Variants in PCSK5 observed in about 807,000 individuals in gnomAD.
PCSK5 encodes prohormone convertase 5.
PCSK5 carries 129 observed loss-of-function variants against 233.2 expected under a neutral mutation model. That is an observed-to-expected ratio of 0.55 (90% CI 0.48 to 0.64). The LOEUF (loss-of-function observed/expected upper bound fraction) is 0.64. PCSK5 is among the 30% of genes least tolerant of loss of function. The pLI is 0.00. For synonymous variants in PCSK5, 825 were observed against 879.2 expected (o/e 0.94, Z 1.09); for missense variants, 2,076 against 2,430.1 (o/e 0.85, Z 3.06).
chr9:76,263,648 G>A (rs1827250232), intron 24 of PCSK5, among the ~76,000 whole-genome samples: 1 of 151,834 alleles, frequency 6.6e-6, no homozygotes, highest in Non-Finnish European at 1.5e-5. Flanking sequence ...GGAGTGGGGA[G>A]GGATAGCATT....
chr9:76,327,717 G>A (rs1829406741), intron 32 of PCSK5, among the ~76,000 whole-genome samples: 1 of 152,146 alleles, frequency 6.6e-6, no homozygotes, highest in South Asian at 2.1e-4. Context: ...TGCAGTTTGG[G>A]TAATTATAGT....
intron 21 of PCSK5, among the ~76,000 whole-genome samples, chr9:76,231,616 GT>G (rs1826086506): frequency 6.6e-6 from 1 of 151,972 alleles, no homozygotes; most frequent in Admixed American, 6.6e-5. Flanking sequence ...GGGTTTTTTT[GT>G]TTGTTTGTTT....
chr9:76,354,106 C>T lies in PCSK5; in HGVS notation c.5141C>T (p.Thr1714Ile). Reference protein sequence around the residue: ...ECKGPGAKNCTLCPANLVLHM... With the variant: ...ECKGPGAKNCILCPANLVLHM... The stretch of plus-strand genomic sequence containing the variant: ...AAGGGACCAGGGGCCAAGAACTGCA[C>T]CTTGTGCCCTGCCAACCTGGTGCTG... Residue 1714 changes from threonine to isoleucine, a missense_variant, in exon 37 of 38, where the codon ACC becomes ATC. Physicochemically the swap from Thr to Ile is moderately conservative, Grantham distance 89 (BLOSUM62 -1). This residue lies in a region of PCSK5 where 1,510 missense variants were observed against 1,538.1 expected (regional missense o/e 0.98). Coordinates refer to ENST00000674117, the MANE Select transcript of PCSK5 (RefSeq NM_001372043.1). The T allele has an allele frequency of 6.2e-7, 1 of 1,606,476 alleles. No homozygotes were observed. Among genetic ancestry groups the T allele is most frequent in the East Asian group, 2.2e-5 (1 of 44,664 alleles).
chr9:76,211,154 A>T (rs7043349), intron 20 of PCSK5, among the ~76,000 whole-genome samples: 38,701 of 152,128 alleles, frequency 0.25, 5,038 homozygotes, highest in Non-Finnish European at 0.28. Flanking sequence ...CCACTACTTT[A>T]TGGAAGAGAT....
chr9:76,025,463 A>G (rs898712401), intron 4 of PCSK5, among the ~76,000 whole-genome samples: 1 of 152,070 alleles, frequency 6.6e-6, no homozygotes, highest in African/African-American at 2.4e-5. Context: ...AAATAAGCCA[A>G]ATTATACTCC....
chr9:75,940,468 T>C (rs1170059079), intron 2 of PCSK5, among the ~76,000 whole-genome samples: 1 of 152,160 alleles, frequency 6.6e-6, no homozygotes, highest in Admixed American at 6.5e-5. Context: ...GGAAAGGGCA[T>C]AGGAAAAGGA....
Position 76,117,137 on chromosome 9 carries a change from T to A in PCSK5, c.1208+9786T>A, listed in dbSNP as rs1471952430. Among the ~76,000 whole-genome samples, 3 of 152,076 alleles carry A rather than the reference T, an allele frequency of 2.0e-5. No individual in the cohort carries two copies. The East Asian group carries it at 5.8e-4, about 29-fold the overall frequency. ...TACATCTTACAAGTCATAGTTGCAA[T>A]GTTTAGCTAGTTTGGTATGTGCCTG... On this transcript the variant is annotated intron_variant, in intron 9 of 37. Coordinates refer to ENST00000674117, the MANE Select transcript of PCSK5 (RefSeq NM_001372043.1).
In PCSK5 at chr9:76,207,249, A is replaced by C. The variant is rs138546256; in HGVS notation, c.2626+17503A>C. Among the ~76,000 whole-genome samples the C allele has an allele frequency of 3.7e-3, 560 of 152,354 alleles. 1 individual carries two copies. The highest frequency in any genetic ancestry group is 6.8e-3 in the Non-Finnish European group (461 of 68,030). On this transcript the variant is annotated intron_variant, in intron 20 of 37. Transcript: ENST00000674117. ...TTTTGCTGTACAAGGTAATACTCAC[A>C]GGTCCCAGACATGAGGACTTGGATA...
At chr9:75,908,925 C>CTATCTA (rs1554704504) in intron 1 of PCSK5, among the ~76,000 whole-genome samples, 2,289 of 103,514 alleles carry the variant, frequency 0.022, 36 homozygotes, top group African/African-American at 0.031. Context: ...CTATCTATCT[C>CTATCTA]TCTATCTCTC....
rs185187129 is a variant in PCSK5 at position 75,971,481 on chromosome 9, T to C, written c.298-14651T>C. 8.8e-4 allele frequency among the ~76,000 whole-genome samples: 134 copies of C among 152,346 alleles called. 1 individual carries two copies. In the East Asian group the frequency reaches 0.021, roughly 24 times the overall value. On this transcript the variant is annotated intron_variant, in intron 2 of 37. Transcript: ENST00000674117. ...GGATTTCTGGGTCAGATGGTATTTCTGATTGTAGGTCTTTGAGGAATTGCT... is the reference window on the plus strand; with the variant it reads ...GGATTTCTGGGTCAGATGGTATTTCCGATTGTAGGTCTTTGAGGAATTGCT...
chr9:76,293,775 A>T (rs1416952459), intron 25 of PCSK5, among the ~76,000 whole-genome samples: 2 of 152,270 alleles, frequency 1.3e-5, no homozygotes, highest in African/African-American at 2.4e-5. Context: ...TCTGAAAAAC[A>T]AATACCCTGG....
At chr9:75,968,806 T>A (rs1050100058) in intron 2 of PCSK5, among the ~76,000 whole-genome samples, 1 of 152,250 alleles carries the variant, frequency 6.6e-6, no homozygotes, top group Non-Finnish European at 1.5e-5. Flanking sequence ...AAATTCTCCA[T>A]AGTCAACGGT....
intron 36 of PCSK5, 72 bp from the exon 37 acceptor site, chr9:76,353,961 T>C: frequency 9.3e-7 from 1 of 1,075,024 alleles, no homozygotes. Context: ...CAAGATGAGA[T>C]ACAATCTGGG....
chr9:75,995,506 GGAA>G (rs1826974166), intron 3 of PCSK5, among the ~76,000 whole-genome samples: 1 of 152,078 alleles, frequency 6.6e-6, no homozygotes, highest in Non-Finnish European at 1.5e-5. Flanking sequence ...GGTATGTTTT[GGAA>G]GAAGTTGTGT....
At position 75,937,857 on chromosome 9, in the gene PCSK5, C is replaced by G. The variant is rs79863901; in HGVS notation, c.297+5374C>G. The stretch of plus-strand genomic sequence containing the variant: ...TGAACCAACCCCTGCTAGCTTCATA[C>G]TTTTCTTCTGCAGCTTCCTTACGTC... On this transcript the variant is annotated intron_variant, in intron 2 of 37. Transcript: ENST00000674117. 2.9e-3 allele frequency among the ~76,000 whole-genome samples: 444 copies of G among 152,336 alleles called. 1 individual carries two copies. The highest frequency in any genetic ancestry group is 0.01 in the Middle Eastern group (3 of 294).
intron 2 of PCSK5, among the ~76,000 whole-genome samples, chr9:75,934,533 G>A (rs942381422): frequency 6.6e-6 from 1 of 151,888 alleles, no homozygotes; most frequent in African/African-American, 2.4e-5. Flanking sequence ...CAGTGTTGGG[G>A]GTTGGGGGAG....
intron 23 of PCSK5, among the ~76,000 whole-genome samples, chr9:76,239,640 G>A (rs992159194): frequency 1.4e-5 from 2 of 145,172 alleles, no homozygotes; most frequent in African/African-American, 5.2e-5. Context: ...AGGTTGCAGT[G>A]ATCCGAGATC....
At chr9:76,131,766 G>A (rs1314852277) in intron 9 of PCSK5, among the ~76,000 whole-genome samples, 1 of 152,058 alleles carries the variant, frequency 6.6e-6, no homozygotes, top group East Asian at 1.9e-4. Context: ...TAATATTTCT[G>A]AAGAAATCTT....
chr9:76,279,045 A>G (rs1827782732), intron 24 of PCSK5, among the ~76,000 whole-genome samples: 1 of 144,502 alleles, frequency 6.9e-6, no homozygotes, highest in Non-Finnish European at 1.5e-5. Flanking sequence ...CATGTCTCCC[A>G]ATGCTATCCC....
Sources: allele counts gnomAD v4.1 joint callset (sites outside exome capture counted in the v4.1 genomes callset), GRCh38; gene constraint gnomAD v4.1.1; regional missense constraint gnomAD v4.1.1; transcripts MANE v1.5; gene names NCBI Gene and HGNC (gene_info 2026-07-23, HGNC 2026-07-21).